The following CDH13 variants were observed in gnomAD, a reference collection of about 807,000 sequenced individuals.
The protein encoded by CDH13 is cadherin-13.
CDH13 carries 24 observed loss-of-function variants against 63.8 expected under a neutral mutation model. That is an observed-to-expected ratio of 0.38 (90% CI 0.27 to 0.53). The LOEUF is 0.53. Among genes scored for constraint, CDH13 ranks in the 20% least tolerant of loss-of-function variants. CDH13 has a pLI of 0.85. For synonymous variants in CDH13, 503 were observed against 355.3 expected (o/e 1.42, Z -4.67); for missense variants, 1,049 against 903.1 (o/e 1.16, Z -2.07).
chr16:83,207,020 T>C (rs931463819), intron 4 of CDH13, among the ~76,000 whole-genome samples: 4 of 152,178 alleles, frequency 2.6e-5, no homozygotes, highest in Non-Finnish European at 2.9e-5. Flanking sequence ...AGCAAGGACA[T>C]AGAGGATCTG....
At chr16:83,541,726 G>A (rs142717305) in intron 7 of CDH13, among the ~76,000 whole-genome samples, 5 of 152,320 alleles carry the variant, frequency 3.3e-5, no homozygotes, top group African/African-American at 1.2e-4. Flanking sequence ...TGGTTTTTAA[G>A]CTCTTTAGAA....
chr16:82,935,750 A>T (rs946618115), intron 2 of CDH13, among the ~76,000 whole-genome samples: 32 of 152,068 alleles, frequency 2.1e-4, no homozygotes, highest in Non-Finnish European at 8.8e-5. Flanking sequence ...GAAAGTGGCT[A>T]TGTTGCCTGG....
chr16:83,662,847 A>G (rs1395204495), intron 8 of CDH13, among the ~76,000 whole-genome samples: 2 of 152,190 alleles, frequency 1.3e-5, no homozygotes, highest in Non-Finnish European at 1.5e-5. Flanking sequence ...TGTTGATGGG[A>G]ACAGAGGTTC....
intron 1 of CDH13, among the ~76,000 whole-genome samples, chr16:82,690,935 T>A (rs1016281960): frequency 6.6e-6 from 1 of 152,104 alleles, no homozygotes; most frequent in Non-Finnish European, 1.5e-5. Flanking sequence ...AGATAAAGAA[T>A]CAGTCATCTA....
intron 7 of CDH13, among the ~76,000 whole-genome samples, chr16:83,557,755 A>G (rs563918474): frequency 1.3e-5 from 2 of 152,002 alleles, no homozygotes; most frequent in African/African-American, 4.8e-5. Context: ...TTTCATCTCA[A>G]TGCCCATTTG....
Position 83,570,970 on chromosome 16 carries a change from TAAAA to T in CDH13, c.961-31482_961-31479del, listed in dbSNP as rs1325079561. Among the ~76,000 whole-genome samples, 441 of 124,278 alleles carry T rather than the reference TAAAA, an allele frequency of 3.5e-3. 2 individuals are homozygous for T. Among genetic ancestry groups the T allele is most frequent in the African/African-American group, 0.013 (413 of 31,026 alleles). The allele number at this position is 124,278 out of a possible 152,430, so 81.5% of individuals were successfully genotyped here. On this transcript the variant is annotated intron_variant, in intron 7 of 13. Coordinates refer to ENST00000567109, the MANE Select transcript of CDH13 (RefSeq NM_001257.5). ...CCATATATATATATATATATATATA[TAAAA>T]ACCTTCTGGCGCCACCCAAGGGCCA...
intron 2 of CDH13, chr16:82,926,120 G>T (rs979886259): frequency 6.6e-6 from 1 of 152,130 alleles, no homozygotes; most frequent in South Asian, 2.1e-4. Flanking sequence ...CTAGGCCAGG[G>T]ATTCCTAACT....
At chr16:83,094,330 A>G (rs1270217991) in intron 3 of CDH13, among the ~76,000 whole-genome samples, 1 of 152,162 alleles carries the variant, frequency 6.6e-6, no homozygotes, top group Admixed American at 6.5e-5. Flanking sequence ...ACTTTGGGAA[A>G]TGTTCTCAGG....
In CDH13 at chr16:83,796,185, A is replaced by C. The variant is rs1170475282; in HGVS notation, c.*1155A>C. ...TATTCTGTGAGCATGTAAAAGCGGA[A>C]AGTTAGTGCTTGTTCTAAGATTACC... On this transcript the variant is annotated 3_prime_UTR_variant, in exon 14 of 14. Coordinates refer to ENST00000567109, the MANE Select transcript of CDH13 (RefSeq NM_001257.5). The C allele has an allele frequency of 3.3e-5, 5 of 152,430 alleles. No individual in the cohort carries two copies. The highest frequency in any genetic ancestry group is 1.2e-4 in the African/African-American group (5 of 41,458). The allele number at this position is 152,430 out of a possible 1,614,324, so 9.4% of individuals were successfully genotyped here.
chr16:82,760,333 G>A (rs924174910), intron 1 of CDH13, among the ~76,000 whole-genome samples: 12 of 152,100 alleles, frequency 7.9e-5, no homozygotes, highest in South Asian at 2.1e-4. Context: ...CTGGAAGGTC[G>A]GAAGAGGCAT....
chr16:83,454,973 G>A (rs1213400073), intron 6 of CDH13, among the ~76,000 whole-genome samples: 2 of 152,256 alleles, frequency 1.3e-5, no homozygotes, highest in South Asian at 2.1e-4. Context: ...GCCTCCCAAA[G>A]TGCTGAGATT....
At chr16:83,495,469 G>A (rs1249393407) in intron 7 of CDH13, among the ~76,000 whole-genome samples, 1 of 152,148 alleles carries the variant, frequency 6.6e-6, no homozygotes, top group Non-Finnish European at 1.5e-5. Flanking sequence ...AGACTAGATG[G>A]TAAATGTTTC....
rs531579451 is a variant in CDH13, at chr16:82,868,432, A to G, written c.157+9959A>G. 5.0e-4 allele frequency among the ~76,000 whole-genome samples: 76 copies of G among 152,348 alleles called. 1 individual carries two copies. The highest frequency in any genetic ancestry group is 1.5e-3 in the African/African-American group (64 of 41,580). On this transcript the variant is annotated intron_variant, in intron 2 of 13. Coordinates refer to ENST00000567109, the MANE Select transcript of CDH13 (RefSeq NM_001257.5). ...TCCTACCTAACAAATGTGAAATACTATAATAAAATGACGTAAGATAAGAAA... is the reference window on the plus strand; with the variant it reads ...TCCTACCTAACAAATGTGAAATACTGTAATAAAATGACGTAAGATAAGAAA...
At chr16:83,396,261 T>C (rs1254232955) in intron 6 of CDH13, among the ~76,000 whole-genome samples, 1 of 152,208 alleles carries the variant, frequency 6.6e-6, no homozygotes, top group Non-Finnish European at 1.5e-5. Context: ...ATCAGTTTTG[T>C]GAGCTATAAA....
At chr16:82,920,391 G>C (rs2042117464) in intron 2 of CDH13, among the ~76,000 whole-genome samples, 3 of 152,336 alleles carry the variant, frequency 2.0e-5, no homozygotes, top group South Asian at 4.1e-4. Flanking sequence ...CCAAAGCACA[G>C]GATGAAGTTC....
At chr16:83,604,865 G>C (rs898564790) in intron 8 of CDH13, among the ~76,000 whole-genome samples, 2 of 152,152 alleles carry the variant, frequency 1.3e-5, no homozygotes. Context: ...TTTGGGTCCT[G>C]TGACTTAGGA....
chr16:83,610,191 A>G (rs1908728874), intron 8 of CDH13, among the ~76,000 whole-genome samples: 1 of 152,184 alleles, frequency 6.6e-6, no homozygotes, highest in South Asian at 2.1e-4. Flanking sequence ...TGTAAAAGTC[A>G]TTAAGTCTTT....
chr16:82,762,557 C>T (rs957744596), intron 1 of CDH13, among the ~76,000 whole-genome samples: 2 of 152,184 alleles, frequency 1.3e-5, no homozygotes, highest in Non-Finnish European at 2.9e-5. Context: ...GCCAGACTCT[C>T]AGCTTTGCTT....
At chr16:83,608,224 A>G (rs1908527409) in intron 8 of CDH13, among the ~76,000 whole-genome samples, 1 of 152,208 alleles carries the variant, frequency 6.6e-6, no homozygotes, top group South Asian at 2.1e-4. Context: ...TCATACCTAT[A>G]ATAAAAACGA....
Sources: gnomAD v4.1 joint callset for allele counts (sites outside exome capture counted in the v4.1 genomes callset) on GRCh38, gnomAD v4.1.1 for gene constraint, MANE v1.5 for transcripts, NCBI Gene and HGNC (gene_info 2026-07-23, HGNC 2026-07-21) for gene names.